CDK11A: variants seen among roughly 807,000 people sequenced by gnomAD.
CDK11A encodes cyclin-dependent kinase 11A.
CDK11A carries 55 observed loss-of-function variants against 83.6 expected under a neutral mutation model. The ratio of observed to expected loss-of-function variants is 0.66; its 90% confidence interval spans 0.53 to 0.82. The LOEUF (loss-of-function observed/expected upper bound fraction) is 0.82. Among genes scored for constraint, CDK11A ranks in the 40% least tolerant of loss-of-function variants. CDK11A has a pLI of 0.00. For missense variants in CDK11A, 564 were observed against 810.1 expected (o/e 0.70, Z 3.69); for synonymous variants, 247 against 302.7 (o/e 0.82, Z 1.91).
chr1:1,707,301 GC>G (rs1644352792), intron 11 of CDK11A, 107 bp downstream of exon 11: 2 of 1,073,978 alleles, frequency 1.9e-6, no homozygotes, highest in African/African-American at 1.7e-5. Context: ...GGGCCCAGCA[GC>G]CCTGTGAGGC....
chr1:1,703,202 C>T lies in CDK11A; in HGVS notation c.2128G>A (p.Glu710Lys). ...GAGGGGTCGATGGGGAGGGGGGTCTCGCGGAAATACTCATGCTTGAGGCCG... is the reference window on the plus strand; with the variant it reads ...GAGGGGTCGATGGGGAGGGGGGTCTTGCGGAAATACTCATGCTTGAGGCCG... ...EDGLKHEYFR[E>K]TPLPIDPSMF... The change falls in exon 19 of 20, where the codon GAG becomes AAG. Residue 710 changes from glutamate (E) to lysine (K), a missense_variant. By Grantham distance (56) the Glu-to-Lys change is moderately conservative (BLOSUM62 1). This residue lies in a region of CDK11A where 361 missense variants were observed against 402.7 expected (regional missense o/e 0.90). Coordinates refer to ENST00000404249, the MANE Select transcript of CDK11A (RefSeq NM_024011.4). 4 of 428,832 alleles carry T rather than the reference C, an allele frequency of 9.3e-6. No homozygotes were observed. The highest frequency in any genetic ancestry group is 2.4e-5 in the South Asian group (1 of 41,774). The allele number at this position is 428,832 out of a possible 1,614,324, so 26.6% of individuals were successfully genotyped here.
At position 1,703,959 on chromosome 1, in the gene CDK11A, T is replaced by G. The variant is rs765093284; in HGVS notation, c.1795-19A>C. The stretch of plus-strand genomic sequence containing the variant: ...AGTATTCCTAAGACGCCAGGAGAGG[T>G]GTTCAGGAAGGCCAGTGCCCGCGAA... On this transcript the variant is annotated intron_variant, in intron 16 of 19. Transcript: ENST00000404249. The G allele has an allele frequency of 2.5e-6, 4 of 1,608,010 alleles. No homozygotes were observed. The highest frequency in any genetic ancestry group is 1.7e-4 in the Middle Eastern group (1 of 6,020).
At chr1:1,707,040 T>C (rs1207686972) in intron 11 of CDK11A, among the ~76,000 whole-genome samples, 1 of 142,788 alleles carries the variant, frequency 7.0e-6, no homozygotes, top group Non-Finnish European at 1.5e-5. Flanking sequence ...CAGATGCCGG[T>C]AACAAGGCCT....
At chr1:1,712,005 C>T (rs1297893202) in intron 6 of CDK11A, among the ~76,000 whole-genome samples, 5 of 122,132 alleles carry the variant, frequency 4.1e-5, no homozygotes, top group African/African-American at 1.1e-4. Flanking sequence ...TGGCGGGTGC[C>T]TGTAATCCCT....
At chr1:1,706,378 T>C (rs1644311285) in intron 11 of CDK11A, among the ~76,000 whole-genome samples, 1 of 151,226 alleles carries the variant, frequency 6.6e-6, no homozygotes, top group South Asian at 2.1e-4. Context: ...TGGCCAAAAC[T>C]CTTCTCTACA....
At chr1:1,720,044 G>A (rs959660155) in intron 3 of CDK11A, among the ~76,000 whole-genome samples, 26 of 150,832 alleles carry the variant, frequency 1.7e-4, no homozygotes, top group Non-Finnish European at 3.5e-4. Context: ...GACAGTTTCA[G>A]GGGCATGTAA....
intron 4 of CDK11A, among the ~76,000 whole-genome samples, chr1:1,717,671 T>A (rs1326170764): frequency 3.7e-5 from 1 of 27,376 alleles, no homozygotes; most frequent in African/African-American, 7.0e-5. Flanking sequence ...CAGCTAGAGT[T>A]TGCTCTCTCT....
rs1422177807 is a variant in CDK11A at position 1,720,025 on chromosome 1, G to C, written c.228-570C>G. On this transcript the variant is annotated intron_variant, in intron 3 of 19. Transcript: ENST00000404249. ...GGGTGAGGGGCAGGTTCATTAGCTT[G>C]ACTGTGGTGACAGTTTCAGGGGCAT... Among the ~76,000 whole-genome samples the C allele has an allele frequency of 2.0e-5, 3 of 151,000 alleles. No individual in the cohort carries two copies. The East Asian group carries it at 5.8e-4, about 29-fold the overall frequency.
intron 5 of CDK11A, among the ~76,000 whole-genome samples, chr1:1,715,862 G>C (rs760929): frequency 6.7e-6 from 1 of 149,590 alleles, no homozygotes; most frequent in Admixed American, 6.7e-5. Context: ...CGAATATACA[G>C]ACTAATGGCC....
At chr1:1,720,574 T>A (rs1231602195) in intron 3 of CDK11A, among the ~76,000 whole-genome samples, 2 of 150,042 alleles carry the variant, frequency 1.3e-5, no homozygotes, top group Non-Finnish European at 3.0e-5. Context: ...AATTTTTATA[T>A]TTTTAGTAGA....
At position 1,705,045 on chromosome 1, in the gene CDK11A, G is replaced by A. The variant is rs371354393; in HGVS notation, c.1337-20C>T. Reference sequence around the variant, plus strand: ...TTTCATCTGTGAAGAAAATACAGACGGCACTGAGAGGCATTCTCAAAGTCA... The same window carrying A: ...TTTCATCTGTGAAGAAAATACAGACAGCACTGAGAGGCATTCTCAAAGTCA... On this transcript the variant is annotated intron_variant, in intron 12 of 19. Transcript: ENST00000404249. 3.2e-4 allele frequency: 511 copies of A among 1,586,280 alleles called. 17 individuals carry two copies. Among genetic ancestry groups the A allele is most frequent in the Non-Finnish European group, 3.9e-4 (460 of 1,171,030 alleles).
At chr1:1,716,717 A>G (rs1644666178) in intron 4 of CDK11A, among the ~76,000 whole-genome samples, 1 of 145,864 alleles carries the variant, frequency 6.9e-6, no homozygotes, top group African/African-American at 2.5e-5. Context: ...AGGGAGGCTG[A>G]GGCTGTAGAA....
rs1418476394 is a variant in CDK11A, at chr1:1,721,678, C to T, written c.145G>A (p.Glu49Lys). The change falls in exon 3 of 20, where the codon GAG becomes AAG. Residue 49 changes from glutamate (E) to lysine (K), a missense_variant. Glu to Lys is a moderately conservative substitution (Grantham distance 56, BLOSUM62 1). Around this residue, in one of 5 missense-constraint regions of CDK11A, gnomAD observed 151 missense variants for 147.4 expected, o/e 1.02. Transcript: ENST00000404249. ...DDRDSKRDSL[E>K]EGELRDHCME... ...CAGTGATCTCTCAGCTCCCCCTCCT[C>T]AAGGGAATCCCGCTTGGAATCCCGG... is the stretch of plus-strand genomic sequence containing the variant. 1.3e-6 allele frequency: 2 copies of T among 1,595,428 alleles called. No homozygotes were observed. The highest frequency in any genetic ancestry group is 3.3e-5 in the Admixed American group (2 of 59,730).
Position 1,721,407 on chromosome 1 carries a change from G to A in CDK11A, c.227+189C>T, listed in dbSNP as rs180930466. Among the ~76,000 whole-genome samples the A allele has an allele frequency of 7.3e-5, 11 of 151,026 alleles. 1 individual carries two copies. Among genetic ancestry groups the A allele is most frequent in the Admixed American group, 4.6e-4 (7 of 15,096 alleles). On this transcript the variant is annotated intron_variant, in intron 3 of 19. Coordinates refer to ENST00000404249, the MANE Select transcript of CDK11A (RefSeq NM_024011.4). ...CTCAATAGTTACAACAGCACACCCT[G>A]TCACGGTAACCTTAGGAAAGAGTAA... is the stretch of plus-strand genomic sequence containing the variant.
intron 15 of CDK11A, 24 bp downstream of exon 15, chr1:1,704,199 T>A (rs749382562): frequency 3.7e-6 from 6 of 1,608,100 alleles, no homozygotes; most frequent in Non-Finnish European, 3.4e-6. Flanking sequence ...CACCCTGGGA[T>A]GGGCCACTCG....
intron 5 of CDK11A, among the ~76,000 whole-genome samples, chr1:1,716,097 C>T (rs115980964): frequency 0.067 from 10,035 of 150,716 alleles, 819 homozygotes; most frequent in Admixed American, 0.13. Flanking sequence ...GCGGGACGTG[C>T]AGATTTCTGA....
rs1644919738 is a variant in CDK11A at position 1,721,889 on chromosome 1, G to A, written c.112-178C>T. On this transcript the variant is annotated intron_variant, in intron 2 of 19. Transcript: ENST00000404249. ...TTTTTGGCCAGGTGCAGTGGCTCAC[G>A]CTTGTTAATCCCAGCACTTTGGGAG... is the stretch of plus-strand genomic sequence containing the variant. 1.1e-5 allele frequency: 8 copies of A among 734,690 alleles called. 1 individual carries two copies. The highest frequency in any genetic ancestry group is 2.3e-5 in the African/African-American group (1 of 44,036). The allele number at this position is 734,690 out of a possible 1,614,324, so 45.5% of individuals were successfully genotyped here. A position where few individuals can be genotyped will look rare whatever the true frequency, so the allele number is the denominator to read the frequency against.
rs1384361162 is a variant in CDK11A, at chr1:1,708,366, C to T, written c.1004-121G>A. 37 of 1,430,776 alleles carry T rather than the reference C, an allele frequency of 2.6e-5. 1 individual carries two copies. Among genetic ancestry groups the T allele is most frequent in the East Asian group, 1.5e-4 (6 of 40,718 alleles). The allele number at this position is 1,430,776 out of a possible 1,614,324, so 88.6% of individuals were successfully genotyped here. ...CCCAAGAATGGATATGGAGGCTGGG[C>T]GCGGTGGCTCACGCCTGTAATCCCA... On this transcript the variant is annotated intron_variant, in intron 9 of 19. Transcript: ENST00000404249.
intron 3 of CDK11A, 116 bp downstream of exon 3, chr1:1,721,480 G>GA (rs1557802938): frequency 8.2e-7 from 1 of 1,223,074 alleles, no homozygotes; most frequent in Non-Finnish European, 1.1e-6. Flanking sequence ...GTAACTCTAG[G>GA]AAAGAGTAAA....
Sources: gnomAD v4.1 joint callset for allele counts (sites outside exome capture counted in the v4.1 genomes callset) on GRCh38, gnomAD v4.1.1 for gene constraint, gnomAD v4.1.1 regional missense constraint, MANE v1.5 for transcripts, NCBI Gene and HGNC (gene_info 2026-07-23, HGNC 2026-07-21) for gene names.